LYPLAL1: variants seen among roughly 807,000 people sequenced by gnomAD.
LYPLAL1 encodes the protein lysophospholipase like 1.
LYPLAL1 carries 23 observed loss-of-function variants against 19.7 expected under a neutral mutation model. That is an observed-to-expected ratio of 1.17 (90% CI 0.84 to 1.65). The LOEUF is 1.65. Ranked by LOEUF, LYPLAL1 falls within the 40% of genes most tolerant of loss-of-function variation. The pLI is 0.00. For synonymous variants in LYPLAL1, 119 were observed against 96.3 expected, an observed-to-expected ratio of 1.24 and a Z score of -1.38; for missense variants, 355 against 279.4, an observed-to-expected ratio of 1.27 and a Z score of -1.93.
chr1:219,208,987 T>C (rs1658787746), intron 3 of LYPLAL1, among the ~76,000 whole-genome samples: 1 of 152,126 alleles, frequency 6.6e-6, no homozygotes, highest in Non-Finnish European at 1.5e-5. Context: ...CCCAGTGGCT[T>C]TTAACCTTTT....
At chr1:219,175,190 G>A in intron 1 of LYPLAL1, 5 of 742,576 alleles carry the variant, frequency 6.7e-6, no homozygotes, top group Non-Finnish European at 8.2e-6. Flanking sequence ...GCGGATTTGG[G>A]ATTAGAACCC....
intron 2 of LYPLAL1, among the ~76,000 whole-genome samples, chr1:219,192,210 G>C (rs1657239220): frequency 6.6e-6 from 1 of 151,656 alleles, no homozygotes; most frequent in African/African-American, 2.4e-5. Flanking sequence ...ACAAAAGCAT[G>C]TTCAGGTCTC....
chr1:219,174,214 G>C, intron 1 of LYPLAL1: 1 of 1,399,906 alleles, frequency 7.1e-7, no homozygotes, highest in Non-Finnish European at 9.3e-7. Flanking sequence ...CTCGCTTTGG[G>C]GCCTTGTGTC....
chr1:219,383,267 C>T, the LYPLAL1 span, among the ~76,000 whole-genome samples: 10 of 152,352 alleles, frequency 6.6e-5, no homozygotes, highest in East Asian at 1.3e-3. Flanking sequence ...AAGTCAGTCC[C>T]TTTGGTCCTA....
chr1:219,249,255 C>T, the LYPLAL1 span, among the ~76,000 whole-genome samples: 133 of 152,162 alleles, frequency 8.7e-4, 1 homozygote, highest in African/African-American at 2.4e-3. Context: ...TATACACACA[C>T]GCACACAGTA....
chr1:219,402,223 A>G, the LYPLAL1 span, among the ~76,000 whole-genome samples: 1 of 152,198 alleles, frequency 6.6e-6, no homozygotes, highest in Admixed American at 6.5e-5. Flanking sequence ...ATTTTATATA[A>G]TGATGTCATT....
the LYPLAL1 span, among the ~76,000 whole-genome samples, chr1:219,286,488 A>C: frequency 1.3e-5 from 2 of 152,146 alleles, no homozygotes; most frequent in East Asian, 3.9e-4. Context: ...AAGAAAAAAA[A>C]TAAAGATGCT....
chr1:219,355,645 C>T, the LYPLAL1 span, among the ~76,000 whole-genome samples: 1 of 151,934 alleles, frequency 6.6e-6, no homozygotes, highest in Non-Finnish European at 1.5e-5. Context: ...ATTTATAGAA[C>T]TTTATACATG....
At chr1:219,299,082 T>G in the LYPLAL1 span, among the ~76,000 whole-genome samples, 6 of 152,058 alleles carry the variant, frequency 3.9e-5, no homozygotes, top group Non-Finnish European at 8.8e-5. Context: ...GTAAAAGTCA[T>G]TACTTCACAA....
chr1:219,326,744 A>G, the LYPLAL1 span, among the ~76,000 whole-genome samples: 2 of 152,192 alleles, frequency 1.3e-5, no homozygotes, highest in African/African-American at 4.8e-5. Context: ...AAGGGGAAAA[A>G]GTGTCTCTTG....
chr1:219,214,688 C>CTTTTTTTTTTTTTTTTTT (rs11477665), downstream of LYPLAL1, among the ~76,000 whole-genome samples: 1 of 90,388 alleles, frequency 1.1e-5, no homozygotes, highest in African/African-American at 3.9e-5. Flanking sequence ...TTTTTCTTTT[C>CTTTTTTTTTTTTTTTTTT]TTTTTTTTTT....
chr1:219,252,162 CATCATCT>C, the LYPLAL1 span, among the ~76,000 whole-genome samples: 1 of 151,912 alleles, frequency 6.6e-6, no homozygotes, highest in Non-Finnish European at 1.5e-5. Context: ...TGAAATTGCT[CATCATCT>C]GGAGGAACTT....
the LYPLAL1 span, among the ~76,000 whole-genome samples, chr1:219,400,534 T>C: frequency 6.6e-6 from 1 of 151,810 alleles, no homozygotes; most frequent in Admixed American, 6.6e-5. Flanking sequence ...CTTGCTGTGT[T>C]GCCCAGGCTG....
the LYPLAL1 span, among the ~76,000 whole-genome samples, chr1:219,339,449 T>G: frequency 3.3e-5 from 5 of 152,096 alleles, no homozygotes; most frequent in Admixed American, 6.6e-5. Flanking sequence ...TCTCCATTAT[T>G]ATTAAGAATT....
intron 1 of LYPLAL1, among the ~76,000 whole-genome samples, chr1:219,177,995 C>T (rs553083968): frequency 5.9e-5 from 9 of 152,314 alleles, no homozygotes; most frequent in African/African-American, 1.2e-4. Flanking sequence ...GCCCTTTCCT[C>T]GCCCTGGGAT....
chr1:219,260,361 G>C, the LYPLAL1 span, among the ~76,000 whole-genome samples: 1 of 151,610 alleles, frequency 6.6e-6, no homozygotes, highest in Non-Finnish European at 1.5e-5. Flanking sequence ...AAGAGTTCCA[G>C]TATAAATATT....
rs144073998 is a variant in LYPLAL1 at position 219,189,855 on chromosome 1, A to T, written c.192-3227A>T. ...TTGAAAATAGTTTCAAGTTTACTAA[A>T]TTTTTTGATAAATTTATTGGATAAT... On this transcript the variant is annotated intron_variant, in intron 2 of 4. Transcript: ENST00000366928. Among the ~76,000 whole-genome samples, 515 of 151,760 alleles carry T rather than the reference A, an allele frequency of 3.4e-3. 3 individuals are homozygous for T. The highest frequency in any genetic ancestry group is 0.012 in the African/African-American group (485 of 41,494).
chr1:219,221,073 C>A, the LYPLAL1 span, among the ~76,000 whole-genome samples: 2 of 152,292 alleles, frequency 1.3e-5, no homozygotes, highest in South Asian at 4.1e-4. Flanking sequence ...TTGCAGGAAT[C>A]AAAATTCTAG....
chr1:219,348,380 G>A, the LYPLAL1 span, among the ~76,000 whole-genome samples: 21 of 152,304 alleles, frequency 1.4e-4, no homozygotes, highest in Admixed American at 8.5e-4. Context: ...GGGTCAATTC[G>A]TGTGGGTCTG....
Sources: allele counts gnomAD v4.1 joint callset (sites outside exome capture counted in the v4.1 genomes callset), GRCh38; gene constraint gnomAD v4.1.1; transcripts MANE v1.5; gene names NCBI Gene and HGNC (gene_info 2026-07-23, HGNC 2026-07-21).